Variants in ACACB observed in about 807,000 individuals in gnomAD.
ACACB encodes the protein acetyl-CoA carboxylase 2.
A neutral mutation model predicts 278.8 loss-of-function variants in ACACB; 209 were observed. The ratio of observed to expected loss-of-function variants is 0.75; its 90% CI spans 0.67 to 0.84. The LOEUF (loss-of-function observed/expected upper bound fraction) is 0.84, where lower values mean the gene tolerates loss of function less well. Ranked by LOEUF, ACACB falls within the 40% of genes least tolerant of loss-of-function variation. ACACB has a pLI of 0.00. For synonymous variants in ACACB, 1,174 were observed against 1,285.6 expected (o/e 0.91, Z 1.86); for missense variants, 2,850 against 3,269.0 (o/e 0.87, Z 3.13).
intron 17 of ACACB, among the ~76,000 whole-genome samples, chr12:109,197,902 T>A (rs2045198025): frequency 6.6e-6 from 1 of 152,116 alleles, no homozygotes; most frequent in Non-Finnish European, 1.5e-5. Context: ...TATCTCCTTT[T>A]TTTTCTTTTT....
At chr12:109,228,104 G>A (rs2046366432) in intron 28 of ACACB, among the ~76,000 whole-genome samples, 1 of 151,354 alleles carries the variant, frequency 6.6e-6, no homozygotes, top group South Asian at 2.1e-4. Flanking sequence ...TTGGGAGGCT[G>A]AGGTGGGTGG....
chr12:109,181,799 G>A (rs993818992), intron 11 of ACACB, among the ~76,000 whole-genome samples: 13 of 145,464 alleles, frequency 8.9e-5, no homozygotes, highest in Admixed American at 1.4e-4. Flanking sequence ...TTTTCTCCAC[G>A]TCCTTGCTAG....
chr12:109,190,753 G>A (rs1209412104), intron 13 of ACACB, among the ~76,000 whole-genome samples: 1 of 151,882 alleles, frequency 6.6e-6, no homozygotes, highest in South Asian at 2.1e-4. Context: ...TTAGCCTCCT[G>A]AGTAGCTGGG....
chr12:109,226,863 C>A (rs2046327899), intron 27 of ACACB, among the ~76,000 whole-genome samples: 1 of 152,114 alleles, frequency 6.6e-6, no homozygotes, highest in Non-Finnish European at 1.5e-5. Flanking sequence ...AGTTTATCAA[C>A]CCCTGCTCTA....
intron 2 of ACACB, among the ~76,000 whole-genome samples, chr12:109,141,646 G>T (rs2043128825): frequency 6.6e-6 from 1 of 152,196 alleles, no homozygotes; most frequent in Non-Finnish European, 1.5e-5. Flanking sequence ...AAATCTAGAG[G>T]TGGTCTTCCA....
chr12:109,134,975 T>C (rs1005008305), intron 1 of ACACB, among the ~76,000 whole-genome samples: 2 of 152,244 alleles, frequency 1.3e-5, no homozygotes, highest in Non-Finnish European at 1.5e-5. Context: ...AAGATACCCA[T>C]AGTACTGCTA....
intron 2 of ACACB, among the ~76,000 whole-genome samples, chr12:109,141,313 G>A (rs776394552): frequency 6.6e-6 from 1 of 152,160 alleles, no homozygotes; most frequent in Non-Finnish European, 1.5e-5. Context: ...TTTGATTGTT[G>A]GAAATGAATG....
chr12:109,137,825 T>C (rs1370251488), intron 1 of ACACB, among the ~76,000 whole-genome samples: 1 of 152,040 alleles, frequency 6.6e-6, no homozygotes, highest in Non-Finnish European at 1.5e-5. Context: ...CTCACTCTGT[T>C]GTCCAGGCTG....
At chr12:109,152,746 G>A (rs1443560156) in intron 2 of ACACB, among the ~76,000 whole-genome samples, 1 of 148,770 alleles carries the variant, frequency 6.7e-6, no homozygotes, top group Non-Finnish European at 1.5e-5. Flanking sequence ...CTGGGCTCAG[G>A]TAATCTTCCC....
In ACACB at chr12:109,264,301, T is replaced by TG. The variant is rs766411815; in HGVS notation, c.6858dup (p.Leu2287AlafsTer16). The TG allele has an allele frequency of 1.2e-6, 2 of 1,614,036 alleles. No homozygotes were observed. Among genetic ancestry groups the TG allele is most frequent in the Non-Finnish European group, 1.7e-6 (2 of 1,180,038 alleles). ...CGGCTAAAGGCTCGCGAGGACCTGC[T>TG]GCTCCCCATCTACCACCAGGTGGCG... On this transcript the variant is annotated frameshift_variant, in exon 50 of 53. Coordinates refer to ENST00000338432, the MANE Select transcript of ACACB (RefSeq NM_001093.4). LOFTEE classifies it high-confidence loss of function.
At chr12:109,161,061 T>A (rs1170170771) in intron 2 of ACACB, among the ~76,000 whole-genome samples, 1 of 152,140 alleles carries the variant, frequency 6.6e-6, no homozygotes, top group Admixed American at 6.5e-5. Flanking sequence ...TGCGGCTGTG[T>A]GTGGGAATGT....
intron 33 of ACACB, chr12:109,235,869 C>G (rs1395469246): frequency 2.0e-6 from 1 of 494,792 alleles, no homozygotes; most frequent in Non-Finnish European, 3.6e-6. Flanking sequence ...CATTGTGATG[C>G]AAGCCTGTGG....
intron 2 of ACACB, among the ~76,000 whole-genome samples, chr12:109,160,290 G>A (rs1271743793): frequency 6.6e-6 from 1 of 152,152 alleles, no homozygotes; most frequent in South Asian, 2.1e-4. Context: ...GATTTGAAAC[G>A]GGGCTCTGCC....
Position 109,188,150 on chromosome 12 carries a change from A to T in ACACB, c.2132A>T (p.Glu711Val). ...TGCTTCTCCTGGGGAGAGAACCGGG[A>T]AGAGGCCATTTCGTCAGTATCTCCT... is the stretch of plus-strand genomic sequence containing the variant. ...GHCFSWGENREEAISNMVVAL... is the reference protein window; with the variant it reads ...GHCFSWGENRVEAISNMVVAL... Residue 711 changes from glutamate to valine, a missense_variant, in exon 13 of 53, where the codon GAA (glutamate) becomes GTA (valine). Transcript: ENST00000338432. 1.2e-6 allele frequency: 2 copies of T among 1,601,216 alleles called. No homozygotes were observed. The highest frequency in any genetic ancestry group is 1.7e-6 in the Non-Finnish European group (2 of 1,169,632).
intron 34 of ACACB, 37 bp downstream of exon 34, chr12:109,237,417 C>T: frequency 2.6e-6 from 4 of 1,561,774 alleles, no homozygotes; most frequent in East Asian, 2.4e-5. Context: ...TCTCTCAGAA[C>T]CTGGCCCTCC....
intron 28 of ACACB, among the ~76,000 whole-genome samples, chr12:109,230,992 C>T (rs1593646934): frequency 6.6e-6 from 1 of 152,176 alleles, no homozygotes; most frequent in African/African-American, 2.4e-5. Context: ...CCTGCGGCTG[C>T]CCCCACCAAC....
chr12:109,266,148 T>C (rs1226059132), intron 52 of ACACB, 88 bp from the exon 53 acceptor site: 1 of 1,497,078 alleles, frequency 6.7e-7, no homozygotes, highest in African/African-American at 1.4e-5. Flanking sequence ...GGTTCTGGGG[T>C]GTGGCCCCAC....
Position 109,199,553 on chromosome 12 carries a change from G to A in ACACB, c.2778+1G>A. The A allele has an allele frequency of 5.5e-6, 8 of 1,464,712 alleles. No individual in the cohort carries two copies. Among genetic ancestry groups the A allele is most frequent in the Non-Finnish European group, 7.3e-6 (8 of 1,101,512 alleles). The allele number at this position is 1,464,712 out of a possible 1,614,324, so 90.7% of individuals were successfully genotyped here. A position where few individuals can be genotyped will look rare whatever the true frequency, so the allele number is the denominator to read the frequency against. ...TGGGAGCAGCTACGCTGAGATGGAG[G>A]TGACTGCAGAGCCGGCCGTGGGGAA... is the stretch of plus-strand genomic sequence containing the variant. On this transcript the variant is annotated splice_donor_variant, in intron 18 of 52. Coordinates refer to ENST00000338432, the MANE Select transcript of ACACB (RefSeq NM_001093.4). LOFTEE classifies it high-confidence loss of function.
In ACACB at chr12:109,267,602, C is replaced by T. The variant is rs995880801; in HGVS notation, c.*1240C>T. 2 of 152,408 alleles carry T rather than the reference C, an allele frequency of 1.3e-5. No homozygotes were observed. The highest frequency in any genetic ancestry group is 2.9e-5 in the Non-Finnish European group (2 of 68,188). 9.4% of individuals were successfully genotyped at this position (152,408 alleles called of 1,614,324 possible). ...AGGGCCACTTGAGTTACTGTTGCTT[C>T]CTCGCCTGCTGGCTTGATGAGCACC... On this transcript the variant is annotated 3_prime_UTR_variant, in exon 53 of 53. Coordinates refer to ENST00000338432, the MANE Select transcript of ACACB (RefSeq NM_001093.4).
Sources: gnomAD v4.1 joint callset for allele counts (sites outside exome capture counted in the v4.1 genomes callset) on GRCh38, gnomAD v4.1.1 for gene constraint, MANE v1.5 for transcripts, NCBI Gene and HGNC (gene_info 2026-07-23, HGNC 2026-07-21) for gene names.